AGBL4: variants seen among roughly 807,000 people sequenced by gnomAD.
AGBL4 encodes the protein cytosolic carboxypeptidase 6.
AGBL4 carries 58 observed loss-of-function variants against 66.4 expected under a neutral mutation model. That is an observed-to-expected ratio of 0.87 (90% CI 0.71 to 1.09). The LOEUF is 1.09. Ranked by LOEUF, AGBL4 falls within the 50% of genes least tolerant of loss-of-function variation. The pLI is 0.00. For synonymous variants in AGBL4, 234 were observed against 222.9 expected, an observed-to-expected ratio of 1.05 and a Z score of -0.44; for missense variants, 579 against 631.0, an observed-to-expected ratio of 0.92 and a Z score of 0.88.
At chr1:48,769,842 CCCAAAG>C (rs1272428648) in intron 6 of AGBL4, among the ~76,000 whole-genome samples, 7 of 152,176 alleles carry the variant, frequency 4.6e-5, no homozygotes, top group Admixed American at 3.9e-4. Context: ...AAGTAATCTC[CCCAAAG>C]CCACACAGCT....
intron 5 of AGBL4, among the ~76,000 whole-genome samples, chr1:48,896,169 G>A (rs1329467609): frequency 6.6e-6 from 1 of 152,052 alleles, no homozygotes; most frequent in Admixed American, 6.6e-5. Context: ...AGGCCCCTAG[G>A]TACTCCCCCT....
rs190977948 is a variant in AGBL4 at position 49,255,019 on chromosome 1, G to A, written c.283-9155C>T. Among the ~76,000 whole-genome samples the A allele has an allele frequency of 8.5e-5, 13 of 152,168 alleles. No homozygotes were observed. In the East Asian group the frequency reaches 2.1e-3, roughly 25 times the overall value. The stretch of plus-strand genomic sequence containing the variant: ...CCATCTACAAAAATCAACTCAAGAT[G>A]GATTAAAGACTTAAATGTAAAACTG... On this transcript the variant is annotated intron_variant, in intron 3 of 13. Transcript: ENST00000371839.
At chr1:49,170,172 T>C (rs1301883175) in intron 4 of AGBL4, among the ~76,000 whole-genome samples, 1 of 147,708 alleles carries the variant, frequency 6.8e-6, no homozygotes, top group African/African-American at 2.5e-5. Context: ...CATATAAATA[T>C]ATTATAAATT....
At chr1:49,025,167 CAG>C (rs967116507) in intron 5 of AGBL4, among the ~76,000 whole-genome samples, 8 of 152,108 alleles carry the variant, frequency 5.3e-5, no homozygotes, top group African/African-American at 1.9e-4. Flanking sequence ...TTAATGTTTG[CAG>C]AGAGTGGATA....
At chr1:49,936,661 G>A (rs940965272) in intron 1 of AGBL4, among the ~76,000 whole-genome samples, 1 of 152,218 alleles carries the variant, frequency 6.6e-6, no homozygotes, top group South Asian at 2.1e-4. Context: ...CTACAAGCCA[G>A]AAGAGAGTGG....
chr1:49,352,739 A>G (rs1016126775), intron 3 of AGBL4, among the ~76,000 whole-genome samples: 3 of 152,230 alleles, frequency 2.0e-5, no homozygotes, highest in African/African-American at 7.2e-5. Flanking sequence ...TTGACTGCCA[A>G]CCACACATCA....
intron 4 of AGBL4, among the ~76,000 whole-genome samples, chr1:49,143,201 C>T (rs1646152301): frequency 6.6e-6 from 1 of 152,162 alleles, no homozygotes. Flanking sequence ...AGAAGCCATA[C>T]TGAACTTGTT....
intron 2 of AGBL4, among the ~76,000 whole-genome samples, chr1:49,804,540 A>G (rs1644934612): frequency 6.6e-6 from 1 of 152,214 alleles, no homozygotes; most frequent in Admixed American, 6.6e-5. Flanking sequence ...ATACTGGCTC[A>G]GGCTTAGGAA....
intron 2 of AGBL4, among the ~76,000 whole-genome samples, chr1:49,737,270 A>C (rs1389691151): frequency 2.0e-5 from 3 of 152,216 alleles, no homozygotes; most frequent in Non-Finnish European, 4.4e-5. Context: ...TAGCAAAGAT[A>C]TGGAATCCAC....
chr1:49,083,149 C>G (rs1469024837), intron 4 of AGBL4, among the ~76,000 whole-genome samples: 1 of 152,192 alleles, frequency 6.6e-6, no homozygotes, highest in Non-Finnish European at 1.5e-5. Context: ...GTGTCTACAG[C>G]TTTTCCAGGA....
chr1:48,942,821 T>A (rs1205686124), intron 5 of AGBL4, among the ~76,000 whole-genome samples: 3 of 152,198 alleles, frequency 2.0e-5, no homozygotes, highest in Non-Finnish European at 4.4e-5. Context: ...CCAGCCTCAG[T>A]TTCTATATGG....
intron 3 of AGBL4, among the ~76,000 whole-genome samples, chr1:49,546,209 A>T (rs1057412401): frequency 6.6e-6 from 1 of 152,080 alleles, no homozygotes; most frequent in African/African-American, 2.4e-5. Context: ...AATGCTGTTA[A>T]TTCATCCCTT....
chr1:49,219,501 T>TG (rs1404072248), intron 4 of AGBL4, among the ~76,000 whole-genome samples: 1 of 152,152 alleles, frequency 6.6e-6, no homozygotes, highest in East Asian at 1.9e-4. Flanking sequence ...TTATACTATA[T>TG]GGTGCAACCT....
chr1:48,748,372 A>G (rs1271745871), intron 6 of AGBL4, among the ~76,000 whole-genome samples: 2 of 152,216 alleles, frequency 1.3e-5, no homozygotes, highest in East Asian at 1.9e-4. Flanking sequence ...GAATCTACTA[A>G]GTACCTCCTG....
chr1:49,175,208 T>C (rs1481470280), intron 4 of AGBL4: 1 of 151,926 alleles, frequency 6.6e-6, no homozygotes, highest in African/African-American at 2.4e-5. Flanking sequence ...ATTATAAAAA[T>C]AAATCATGAA....
intron 1 of AGBL4, among the ~76,000 whole-genome samples, chr1:49,936,143 G>C (rs937091815): frequency 1.3e-5 from 2 of 152,210 alleles, no homozygotes; most frequent in East Asian, 3.9e-4. Flanking sequence ...AGTGCTTAAA[G>C]GAGCTGATGG....
chr1:49,614,372 C>T (rs921907482), intron 3 of AGBL4, among the ~76,000 whole-genome samples: 1 of 152,064 alleles, frequency 6.6e-6, no homozygotes, highest in Non-Finnish European at 1.5e-5. Flanking sequence ...CATGTTGTTA[C>T]ATGTAGTTAC....
downstream of AGBL4, among the ~76,000 whole-genome samples, chr1:48,532,208 A>T (rs11205502): frequency 0.24 from 35,945 of 152,134 alleles, 4,407 homozygotes; most frequent in South Asian, 0.3. Context: ...TAGTGAGCAC[A>T]TAAATATTTT....
chr1:49,026,287 T>C (rs1486981738), intron 5 of AGBL4, among the ~76,000 whole-genome samples: 1 of 152,124 alleles, frequency 6.6e-6, no homozygotes, highest in Non-Finnish European at 1.5e-5. Context: ...TAAAATAATA[T>C]ACATTACATT....
Sources: allele counts gnomAD v4.1 joint callset (sites outside exome capture counted in the v4.1 genomes callset), GRCh38; gene constraint gnomAD v4.1.1; transcripts MANE v1.5; gene names NCBI Gene and HGNC (gene_info 2026-07-23, HGNC 2026-07-21).